The following PTGER3 variants were observed in gnomAD, a reference collection of about 807,000 sequenced individuals.
PTGER3 encodes the protein prostaglandin E2 receptor EP3 subtype.
Under a neutral mutation model 34.7 loss-of-function variants are expected in PTGER3, and 22 were observed. The ratio of observed to expected loss-of-function variants is 0.63; its 90% CI spans 0.45 to 0.91. The LOEUF (loss-of-function observed/expected upper bound fraction) is 0.91. PTGER3 is among the 40% of genes least tolerant of loss of function. PTGER3 has a pLI of 0.00. For synonymous variants in PTGER3, 241 were observed against 230.1 expected (o/e 1.05, Z -0.43); for missense variants, 468 against 519.4 (o/e 0.90, Z 0.96).
intron 1 of PTGER3, among the ~76,000 whole-genome samples, chr1:71,042,663 T>C (rs1204372345): frequency 6.6e-6 from 1 of 152,212 alleles, no homozygotes; most frequent in Non-Finnish European, 1.5e-5. Flanking sequence ...AATAATACTT[T>C]TATATGCTAT....
chr1:70,902,736 G>A (rs1289416132), intron 4 of PTGER3, among the ~76,000 whole-genome samples: 1 of 152,182 alleles, frequency 6.6e-6, no homozygotes, highest in Non-Finnish European at 1.5e-5. Context: ...TGTGTAGTTG[G>A]TTAGGGCAGG....
intron 4 of PTGER3, among the ~76,000 whole-genome samples, chr1:70,892,259 G>T (rs1376578070): frequency 6.6e-6 from 1 of 152,140 alleles, no homozygotes; most frequent in Non-Finnish European, 1.5e-5. Context: ...TTGAGTTTCC[G>T]CATGTAAAAT....
chr1:70,910,499 T>C (rs1390330604), intron 4 of PTGER3, among the ~76,000 whole-genome samples: 1 of 152,112 alleles, frequency 6.6e-6, no homozygotes, highest in African/African-American at 2.4e-5. Context: ...GCCTCAAATA[T>C]CTGGTCTCAA....
At chr1:70,865,480 A>C (rs544273602) in intron 4 of PTGER3, among the ~76,000 whole-genome samples, 22 of 152,282 alleles carry the variant, frequency 1.4e-4, no homozygotes, top group Non-Finnish European at 1.6e-4. Flanking sequence ...GCACTGCAGA[A>C]CTTGGAGAGT....
At chr1:70,927,003 A>G (rs1175699337) in intron 4 of PTGER3, among the ~76,000 whole-genome samples, 1 of 152,232 alleles carries the variant, frequency 6.6e-6, no homozygotes, top group Non-Finnish European at 1.5e-5. Context: ...GTGTATATTG[A>G]ACCATCCTTG....
At chr1:70,858,124 T>TTC (rs1325733713) in intron 4 of PTGER3, among the ~76,000 whole-genome samples, 5 of 152,122 alleles carry the variant, frequency 3.3e-5, no homozygotes, top group African/African-American at 1.2e-4. Context: ...ATCTCTATAG[T>TTC]TCACATCTCA....
At chr1:70,854,712 C>G (rs1158892031) in intron 4 of PTGER3, among the ~76,000 whole-genome samples, 1 of 152,186 alleles carries the variant, frequency 6.6e-6, no homozygotes, top group Non-Finnish European at 1.5e-5. Context: ...TTCTGTACAG[C>G]CTAGGGAACT....
intron 4 of PTGER3, among the ~76,000 whole-genome samples, chr1:70,857,559 A>G (rs1323733497): frequency 1.3e-5 from 2 of 151,954 alleles, no homozygotes; most frequent in African/African-American, 4.8e-5. Context: ...ATTTAGAGAC[A>G]GAGTCTCACT....
intron 4 of PTGER3, among the ~76,000 whole-genome samples, chr1:70,884,534 G>C (rs1474506711): frequency 6.6e-6 from 1 of 152,174 alleles, no homozygotes; most frequent in East Asian, 1.9e-4. Flanking sequence ...GCTGACCTTA[G>C]AAGATGATCT....
intron 4 of PTGER3, among the ~76,000 whole-genome samples, chr1:70,870,616 C>T (rs1009597151): frequency 2.0e-5 from 3 of 152,188 alleles, no homozygotes; most frequent in African/African-American, 7.2e-5. Context: ...TGAACATAGG[C>T]TGTTAGAAGA....
chr1:71,005,970 A>G, intron 2 of PTGER3: 1 of 519,152 alleles, frequency 1.9e-6, no homozygotes, highest in Non-Finnish European at 2.5e-6. Flanking sequence ...AGATGAGGGT[A>G]ATTAGCACAT....
At chr1:71,007,250 T>G in intron 2 of PTGER3, 1 of 985,490 alleles carries the variant, frequency 1.0e-6, no homozygotes, top group Non-Finnish European at 1.2e-6. Flanking sequence ...TACATTCATT[T>G]GTTACAAACA....
At chr1:71,010,378 G>A (rs919773087) in intron 2 of PTGER3, 148 of 984,550 alleles carry the variant, frequency 1.5e-4, no homozygotes, top group Admixed American at 2.5e-4. Context: ...TATGGTATGT[G>A]CCTTGCCAAT....
chr1:70,967,422 A>C (rs1428033675), downstream of PTGER3, among the ~76,000 whole-genome samples: 3 of 152,226 alleles, frequency 2.0e-5, 1 homozygote, highest in African/African-American at 7.2e-5. Flanking sequence ...GATTTAAATA[A>C]AAATACAGAA....
At chr1:70,957,462 A>T (rs115143649) in intron 2 of PTGER3, among the ~76,000 whole-genome samples, 4,071 of 152,320 alleles carry the variant, frequency 0.027, 76 homozygotes, top group Non-Finnish European at 0.042. Context: ...ATGTGCTTTA[A>T]AAACTTTGTA....
intron 2 of PTGER3, among the ~76,000 whole-genome samples, chr1:70,964,425 T>A (rs1386758076): frequency 1.3e-5 from 2 of 152,158 alleles, no homozygotes; most frequent in African/African-American, 4.8e-5. Context: ...GACTCACAGC[T>A]CCACATAGCT....
At chr1:70,875,582 A>C (rs1646255087) in intron 4 of PTGER3, among the ~76,000 whole-genome samples, 1 of 152,208 alleles carries the variant, frequency 6.6e-6, no homozygotes, top group Admixed American at 6.5e-5. Flanking sequence ...GATAATCAAC[A>C]GAGTACCTGA....
At chr1:70,923,089 T>C (rs916508527) in intron 4 of PTGER3, among the ~76,000 whole-genome samples, 4 of 152,156 alleles carry the variant, frequency 2.6e-5, no homozygotes, top group Non-Finnish European at 5.9e-5. Context: ...CTATAAGGTT[T>C]TATTGAATAT....
chr1:70,963,215 T>G (rs509789), intron 2 of PTGER3, among the ~76,000 whole-genome samples: 1 of 151,940 alleles, frequency 6.6e-6, no homozygotes, highest in East Asian at 1.9e-4. Context: ...GTACATCCCC[T>G]CTCCTGACTG....
Sources: allele counts gnomAD v4.1 joint callset (sites outside exome capture counted in the v4.1 genomes callset), GRCh38; gene constraint gnomAD v4.1.1; transcripts MANE v1.5; gene names NCBI Gene and HGNC (gene_info 2026-07-23, HGNC 2026-07-21).